Variants in TMPRSS6 observed in about 807,000 individuals in gnomAD.
The protein encoded by TMPRSS6 is transmembrane serine protease 6.
A neutral mutation model predicts 101.5 loss-of-function variants in TMPRSS6; 67 were observed. The ratio of observed to expected loss-of-function variants is 0.66; its 90% CI spans 0.54 to 0.81. The LOEUF is 0.81. TMPRSS6 is among the 30% of genes least tolerant of loss of function. The pLI is 0.00. For missense variants in TMPRSS6, 1,034 were observed against 1,088.7 expected, an observed-to-expected ratio of 0.95 and a Z score of 0.71; for synonymous variants, 453 against 464.9, an observed-to-expected ratio of 0.97 and a Z score of 0.33.
intron 6 of TMPRSS6, among the ~76,000 whole-genome samples, chr22:37,093,031 T>A (rs1222035764): frequency 2.0e-5 from 3 of 152,180 alleles, no homozygotes. Flanking sequence ...TTAAAGCTCC[T>A]CCGAGGGCAG....
At chr22:37,104,853 C>A (rs192760698) in intron 1 of TMPRSS6, among the ~76,000 whole-genome samples, 1 of 151,552 alleles carries the variant, frequency 6.6e-6, no homozygotes, top group African/African-American at 2.4e-5. Flanking sequence ...CCCAGCTACT[C>A]GGGAGGCTGA....
chr22:37,086,943 G>A (rs1176183447), intron 7 of TMPRSS6, among the ~76,000 whole-genome samples: 6 of 152,164 alleles, frequency 3.9e-5, no homozygotes, highest in Non-Finnish European at 5.9e-5. Flanking sequence ...ACAAATAACC[G>A]TATCTTAGAC....
At chr22:37,072,128 G>A (rs907649724) in intron 13 of TMPRSS6, among the ~76,000 whole-genome samples, 1 of 150,050 alleles carries the variant, frequency 6.7e-6, no homozygotes, top group African/African-American at 2.5e-5. Context: ...ATGGATGGAT[G>A]ATGGATGGAT....
intron 1 of TMPRSS6, among the ~76,000 whole-genome samples, chr22:37,106,388 T>A (rs993048945): frequency 1.3e-5 from 2 of 151,954 alleles, no homozygotes; most frequent in Non-Finnish European, 2.9e-5. Flanking sequence ...GGGCCTCCCC[T>A]CCCCTCTCAT....
At chr22:37,086,481 C>T (rs1052089168) in intron 7 of TMPRSS6, 62 bp from the exon 8 acceptor site, 37 of 1,418,532 alleles carry the variant, frequency 2.6e-5, no homozygotes, top group Middle Eastern at 2.1e-4. Context: ...GCAGGGAGGG[C>T]GGCAGGCGGC....
intron 9 of TMPRSS6, 148 bp from the exon 10 acceptor site, chr22:37,084,552 CCA>C (rs534839740): frequency 6.1e-6 from 5 of 819,198 alleles, no homozygotes; most frequent in South Asian, 6.0e-5. Context: ...TTGCTGTGAC[CCA>C]CAGAGGGAGA....
intron 10 of TMPRSS6, 24 bp downstream of exon 10, chr22:37,084,271 C>T (rs1343760834): frequency 6.3e-7 from 1 of 1,594,982 alleles, no homozygotes; most frequent in Admixed American, 1.7e-5. Context: ...GAAAGGAAGC[C>T]AGAGGGAGGA....
intron 7 of TMPRSS6, 28 bp downstream of exon 7, chr22:37,089,550 C>CCCA: frequency 1.4e-6 from 2 of 1,383,824 alleles, no homozygotes; most frequent in Non-Finnish European, 2.0e-6. Flanking sequence ...TCCAGCCCTC[C>CCCA]CTCCTGCCCT....
At chr22:37,072,962 C>A (rs565458451) in intron 13 of TMPRSS6, among the ~76,000 whole-genome samples, 1 of 108,344 alleles carries the variant, frequency 9.2e-6, no homozygotes, top group African/African-American at 3.6e-5. Context: ...GGGTGGATGA[C>A]GGATGGGTGG....
At chr22:37,104,211 G>A (rs1930567981) in intron 1 of TMPRSS6, among the ~76,000 whole-genome samples, 1 of 152,120 alleles carries the variant, frequency 6.6e-6, no homozygotes, top group Admixed American at 6.5e-5. Flanking sequence ...GAGTGTTCTA[G>A]CACTAACTCA....
At position 37,103,997 on chromosome 22, in the gene TMPRSS6, T is replaced by C. The variant is rs1010481041; in HGVS notation, c.-1-579A>G. Among the ~76,000 whole-genome samples the C allele has an allele frequency of 7.2e-5, 11 of 152,208 alleles. No individual in the cohort carries two copies. The highest frequency in any genetic ancestry group is 2.4e-4 in the African/African-American group (10 of 41,452). On this transcript the variant is annotated intron_variant, in intron 1 of 17. Coordinates refer to ENST00000676104, the MANE Select transcript of TMPRSS6 (RefSeq NM_001374504.1). The surrounding 1 kb of genome is among the most constrained non-coding windows in gnomAD (Gnocchi z 4.4). ...TCACCTTTCTGCTCTCAAAGTCTTG[T>C]GGCAGAGGAAGGGAACAAAAACTAA...
At chr22:37,090,992 C>A (rs1369016849) in intron 6 of TMPRSS6, among the ~76,000 whole-genome samples, 4 of 152,006 alleles carry the variant, frequency 2.6e-5, no homozygotes, top group African/African-American at 9.7e-5. Flanking sequence ...TCATACCCCA[C>A]CCCCCTACCC....
intron 16 of TMPRSS6, 22 bp from the exon 17 acceptor site, chr22:37,066,984 AGTGAGATCT>A: frequency 6.2e-7 from 1 of 1,614,104 alleles, no homozygotes; most frequent in Non-Finnish European, 8.5e-7. Flanking sequence ...CAAGGGCAGA[AGTGAGATCT>A]CAGGAGCCTG....
chr22:37,089,902 G>A lies in TMPRSS6; in HGVS notation c.632-120C>T, dbSNP rs1295985209. The A allele has an allele frequency of 9.7e-6, 9 of 930,668 alleles. No homozygotes were observed. The Admixed American group carries it at 1.1e-4, about 11-fold the overall frequency. The allele number at this position is 930,668 out of a possible 1,614,324, so 57.7% of individuals were successfully genotyped here. ...GATGGGCTGGGCAGGGGAGCCGGGT[G>A]GGGATAGCCAGACATGCTCTACCCC... On this transcript the variant is annotated intron_variant, in intron 6 of 17. Transcript: ENST00000676104.
At position 37,068,147 on chromosome 22, in the gene TMPRSS6, G is replaced by A. The variant is rs189276429; in HGVS notation, c.2113+926C>T. Among the ~76,000 whole-genome samples the A allele has an allele frequency of 7.2e-5, 11 of 152,194 alleles. No individual in the cohort carries two copies. In the East Asian group the frequency reaches 1.9e-3, roughly 27 times the overall value. On this transcript the variant is annotated intron_variant, in intron 16 of 17. Transcript: ENST00000676104. The stretch of plus-strand genomic sequence containing the variant: ...GCTCTTACCACTGTCTGTCTCCCCC[G>A]AGAATGTTCTCTCTTCATCCTTATG...
intron 7 of TMPRSS6, 34 bp downstream of exon 7, chr22:37,089,544 G>GGCCAA: frequency 1.5e-6 from 2 of 1,348,852 alleles, no homozygotes; most frequent in Non-Finnish European, 2.1e-6. Flanking sequence ...CCCTTTTCCA[G>GGCCAA]CCCTCCCTCC....
intron 6 of TMPRSS6, among the ~76,000 whole-genome samples, chr22:37,093,579 T>A (rs1362061305): frequency 6.6e-6 from 1 of 150,440 alleles, no homozygotes; most frequent in Non-Finnish European, 1.5e-5. Context: ...ATTTTTATAT[T>A]TTTAGAAGAG....
chr22:37,068,266 C>G (rs1241228617), intron 16 of TMPRSS6, among the ~76,000 whole-genome samples: 1 of 152,238 alleles, frequency 6.6e-6, no homozygotes, highest in African/African-American at 2.4e-5. Flanking sequence ...AATGAACCAG[C>G]CTTTGCTTTG....
At chr22:37,106,796 A>G (rs571237220) in intron 1 of TMPRSS6, among the ~76,000 whole-genome samples, 1 of 152,184 alleles carries the variant, frequency 6.6e-6, no homozygotes, top group African/African-American at 2.4e-5. Flanking sequence ...CATCATGCAC[A>G]TGGTGCCCCA....
Sources: gnomAD v4.1 joint callset for allele counts (sites outside exome capture counted in the v4.1 genomes callset) on GRCh38, gnomAD v4.1.1 for gene constraint, Gnocchi (gnomAD v3.1) non-coding constraint, MANE v1.5 for transcripts, NCBI Gene and HGNC (gene_info 2026-07-23, HGNC 2026-07-21) for gene names.